KAT7: variants seen among roughly 807,000 people sequenced by gnomAD.
KAT7 encodes the protein lysine acetyltransferase 7.
A neutral mutation model predicts 82.1 loss-of-function variants in KAT7; 10 were observed. The observed-to-expected ratio is 0.12, with a 90% CI of 0.08 to 0.21. The LOEUF is 0.21. Among genes scored for constraint, KAT7 ranks in the 10% least tolerant of loss-of-function variants. The pLI is 1.00. For missense variants in KAT7, 378 were observed against 760.9 expected, an observed-to-expected ratio of 0.50 and a Z score of 5.92; for synonymous variants, 250 against 262.5, an observed-to-expected ratio of 0.95 and a Z score of 0.46.
rs376889586 is a variant in KAT7, at chr17:49,828,630, C to T, written c.*1128C>T. 6.6e-6 allele frequency: 1 copy of T among 152,650 alleles called. No individual in the cohort carries two copies. The highest frequency in any genetic ancestry group is 2.4e-5 in the African/African-American group (1 of 41,434). The allele number at this position is 152,650 out of a possible 1,614,324, so 9.5% of individuals were successfully genotyped here. On this transcript the variant is annotated 3_prime_UTR_variant, in exon 15 of 15. Coordinates refer to ENST00000259021, the MANE Select transcript of KAT7 (RefSeq NM_007067.5). ...CTTCCACGAACTCCTCCTCCATTTC[C>T]TTTTTGGGATTTGTCACCATCCTTC...
intron 8 of KAT7, among the ~76,000 whole-genome samples, chr17:49,817,300 A>G (rs1447764404): frequency 6.6e-6 from 1 of 151,370 alleles, no homozygotes; most frequent in Non-Finnish European, 1.5e-5. Context: ...TAGCAGAGAA[A>G]CCTCTCTTTT....
intron 9 of KAT7, among the ~76,000 whole-genome samples, chr17:49,819,182 C>T (rs986963702): frequency 6.6e-6 from 1 of 152,112 alleles, no homozygotes; most frequent in African/African-American, 2.4e-5. Flanking sequence ...TTATACTCTT[C>T]TCCCCAGTTT....
chr17:49,805,572 G>A, intron 5 of KAT7, 127 bp downstream of exon 5: 1 of 534,036 alleles, frequency 1.9e-6, no homozygotes. Context: ...CATTGTAGTG[G>A]AGGAAACATA....
chr17:49,805,087 C>T (rs962610423), intron 4 of KAT7, among the ~76,000 whole-genome samples: 1 of 152,078 alleles, frequency 6.6e-6, no homozygotes, highest in Admixed American at 6.6e-5. Flanking sequence ...ATGTTGACTT[C>T]GTGACATTTT....
rs4462645 is a variant in KAT7, at chr17:49,811,490, A to G, written c.768A>G (p.Arg256=). 1,519,049 of 1,520,196 alleles carry G rather than the reference A, an allele frequency of 1. 758,959 individuals are homozygous for G. Among genetic ancestry groups the G allele is most frequent in the Middle Eastern group, 1 (5,746 of 5,746 alleles). The allele number at this position is 1,520,196 out of a possible 1,614,324, so 94.2% of individuals were successfully genotyped here. Residue 256 remains arginine, a synonymous_variant, in exon 7 of 15, where the codon AGA becomes AGG. Coordinates refer to ENST00000259021, the MANE Select transcript of KAT7 (RefSeq NM_007067.5). ...HATRHQAPTE[R]QLRYKEKVAE... ...TTTCCTTTTAGGCACCAACGGAGAG[A>G]CAGCTTCGATATAAGGAAAAAGTGG...
chr17:49,806,228 A>G (rs778898348), intron 5 of KAT7, among the ~76,000 whole-genome samples: 11 of 152,202 alleles, frequency 7.2e-5, no homozygotes, highest in Non-Finnish European at 1.5e-4. Flanking sequence ...TGTCTGAGCC[A>G]ATTTCATTGT....
At chr17:49,797,128 A>G (rs1431511742) in intron 3 of KAT7, among the ~76,000 whole-genome samples, 6 of 151,424 alleles carry the variant, frequency 4.0e-5, no homozygotes, top group African/African-American at 9.7e-5. Flanking sequence ...CAGTGGTGCA[A>G]TCTTGGCTCA....
rs1417661288 is a variant in KAT7 at position 49,834,877 on chromosome 17, A to G, written c.*7375A>G. ...AAATTAGTTGGGCATGGTGGTGTGC[A>G]CCCGTAGTGCCAGCTACTCAGGAGG... On this transcript the variant is annotated 3_prime_UTR_variant, in exon 15 of 15. Transcript: ENST00000259021. The G allele has an allele frequency of 6.6e-6, 1 of 152,114 alleles. No individual in the cohort carries two copies. The highest frequency in any genetic ancestry group is 2.4e-5 in the African/African-American group (1 of 41,360). 9.4% of individuals were successfully genotyped at this position (152,114 alleles called of 1,614,324 possible).
At chr17:49,826,992 C>T (rs1419623204) in intron 14 of KAT7, 193 bp downstream of exon 14, 2 of 493,024 alleles carry the variant, frequency 4.1e-6, no homozygotes, top group African/African-American at 1.9e-5. Context: ...TTGATAAGCT[C>T]CTGTCTCAAA....
chr17:49,803,232 C>T (rs138018358), intron 4 of KAT7, among the ~76,000 whole-genome samples: 1,550 of 151,952 alleles, frequency 0.01, 27 homozygotes, highest in East Asian at 0.083. Context: ...CCTCAGCCTC[C>T]TGAGTAGCTG....
At chr17:49,812,724 C>G (rs1255437287) in intron 7 of KAT7, among the ~76,000 whole-genome samples, 1 of 151,912 alleles carries the variant, frequency 6.6e-6, no homozygotes, top group Non-Finnish European at 1.5e-5. Context: ...GAGTCTTGCT[C>G]TGTCACCAAG....
rs761453905 is a variant in KAT7, at chr17:49,791,947, A to G, written c.77A>G (p.His26Arg). The G allele has an allele frequency of 5.0e-6, 8 of 1,614,126 alleles. No homozygotes were observed. The African/African-American group carries it at 5.3e-5, about 11-fold the overall frequency. ...TCCGATTTTTCTACAGATCTCGAGC[A>G]CACAGACAGTTCAGAAAGTGATGGC... is the stretch of plus-strand genomic sequence containing the variant. ...EDSDFSTDLE[H>R]TDSSESDGTS... The change falls in exon 2 of 15, where the codon CAC becomes CGC. Residue 26 changes from histidine (H) to arginine (R), a missense_variant. By Grantham distance (29) the His-to-Arg change is conservative. Coordinates refer to ENST00000259021, the MANE Select transcript of KAT7 (RefSeq NM_007067.5).
At chr17:49,809,946 T>C (rs1176433214) in intron 6 of KAT7, among the ~76,000 whole-genome samples, 1 of 152,250 alleles carries the variant, frequency 6.6e-6, no homozygotes, top group Admixed American at 6.5e-5. Flanking sequence ...TTGTTCATCA[T>C]TTAGGTGTCT....
Position 49,832,724 on chromosome 17 carries a change from T to A in KAT7, c.*5222T>A, listed in dbSNP as rs1285895599. On this transcript the variant is annotated 3_prime_UTR_variant, in exon 15 of 15. Transcript: ENST00000259021. Reference sequence around the variant, plus strand: ...CTCACTGAGGCTCTCAGCATTAGTTTCCTCTACCTCTTGTGTCTCACAGGT... The same window carrying A: ...CTCACTGAGGCTCTCAGCATTAGTTACCTCTACCTCTTGTGTCTCACAGGT... 6.6e-6 allele frequency: 1 copy of A among 152,214 alleles called. No homozygotes were observed. Among genetic ancestry groups the A allele is most frequent in the Non-Finnish European group, 1.5e-5 (1 of 68,050 alleles). The allele number at this position is 152,214 out of a possible 1,614,324, so 9.4% of individuals were successfully genotyped here.
At position 49,826,037 on chromosome 17, in the gene KAT7, C is replaced by T; in HGVS notation, c.1518C>T (p.Ser506=). The part of the protein sequence containing the change: ...LLSKVEEKVG[S]PERPLSDLGL... ...CCAAAGTCGAAGAAAAAGTTGGCTC[C>T]CCAGAACGTCCACTCTCAGATCTGG... is the stretch of plus-strand genomic sequence containing the variant. The change falls in exon 13 of 15, where the codon TCC becomes TCT. Residue 506 remains serine, a synonymous_variant. Coordinates refer to ENST00000259021, the MANE Select transcript of KAT7 (RefSeq NM_007067.5). 2 of 1,611,984 alleles carry T rather than the reference C, an allele frequency of 1.2e-6. No homozygotes were observed. Among genetic ancestry groups the T allele is most frequent in the African/African-American group, 1.3e-5 (1 of 74,966 alleles).
Position 49,832,997 on chromosome 17 carries a change from G to A in KAT7, c.*5495G>A, listed in dbSNP as rs1399310095. 1 of 152,146 alleles carries A rather than the reference G, an allele frequency of 6.6e-6. No homozygotes were observed. Among genetic ancestry groups the A allele is most frequent in the African/African-American group, 2.4e-5 (1 of 41,422 alleles). The allele number at this position is 152,146 out of a possible 1,614,324, so 9.4% of individuals were successfully genotyped here. A position where few individuals can be genotyped will look rare whatever the true frequency, so the allele number is the denominator to read the frequency against. ...GGGGCAGTTTAATAGCCTTCTTCCT[G>A]TGTGGTATCTGCAACAAAATCCCAA... is the stretch of plus-strand genomic sequence containing the variant. On this transcript the variant is annotated 3_prime_UTR_variant, in exon 15 of 15. Coordinates refer to ENST00000259021, the MANE Select transcript of KAT7 (RefSeq NM_007067.5).
intron 2 of KAT7, among the ~76,000 whole-genome samples, chr17:49,795,067 C>T (rs1396838385): frequency 6.6e-6 from 1 of 151,012 alleles, no homozygotes; most frequent in Non-Finnish European, 1.5e-5. Flanking sequence ...GAGGCTGACA[C>T]CGCGCCCTGG....
rs2074443275 is a variant in KAT7 at position 49,833,937 on chromosome 17, G to T, written c.*6435G>T. 1 of 152,212 alleles carries T rather than the reference G, an allele frequency of 6.6e-6. No individual in the cohort carries two copies. The highest frequency in any genetic ancestry group is 2.4e-5 in the African/African-American group (1 of 41,452). 9.4% of individuals were successfully genotyped at this position (152,212 alleles called of 1,614,324 possible). On this transcript the variant is annotated 3_prime_UTR_variant, in exon 15 of 15. Transcript: ENST00000259021. ...GTTGATTGGAAGCCAGATGTGCCTA[G>T]AGGAAGGCTACCACCTTGTGCAATT...
chr17:49,803,549 C>T (rs1424740758), intron 4 of KAT7, among the ~76,000 whole-genome samples: 3 of 152,064 alleles, frequency 2.0e-5, no homozygotes, highest in Admixed American at 6.5e-5. Flanking sequence ...CTCAGCCTCC[C>T]GAGTAGCTGG....
Sources: allele counts gnomAD v4.1 joint callset (sites outside exome capture counted in the v4.1 genomes callset), GRCh38; gene constraint gnomAD v4.1.1; transcripts MANE v1.5; gene names NCBI Gene and HGNC (gene_info 2026-07-23, HGNC 2026-07-21).